Variants in WDPCP observed in about 807,000 individuals in gnomAD.
WDPCP encodes WD repeat containing planar cell polarity effector.
WDPCP carries 71 observed loss-of-function variants against 93.1 expected under a neutral mutation model. The ratio of observed to expected loss-of-function variants is 0.76; its 90% confidence interval spans 0.63 to 0.93. The LOEUF (loss-of-function observed/expected upper bound fraction) is 0.93, where lower values mean the gene tolerates loss of function less well. WDPCP is among the 40% of genes least tolerant of loss of function. The probability of loss-of-function intolerance (pLI) is 0.00; values close to 1 mark genes in which losing one functional copy is unlikely to be tolerated. For synonymous variants in WDPCP, 315 were observed against 315.0 expected (o/e 1.00, Z 0.00); for missense variants, 844 against 887.4 (o/e 0.95, Z 0.62).
chr2:63,142,124 T>C (rs1671104575), intron 17 of WDPCP, among the ~76,000 whole-genome samples: 1 of 152,208 alleles, frequency 6.6e-6, no homozygotes, highest in Admixed American at 6.5e-5. Context: ...TTTGTTTGTT[T>C]CAATTTCATT....
Position 63,762,380 on chromosome 2 carries a change from C to T in WDPCP, n.308+51242G>A, listed in dbSNP as rs968169120. 2.0e-5 allele frequency among the ~76,000 whole-genome samples: 3 copies of T among 152,082 alleles called. No homozygotes were observed. The South Asian group carries it at 6.2e-4, about 32-fold the overall frequency. The stretch of plus-strand genomic sequence containing the variant: ...TCTAACACGAAATAACATTTGTACA[C>T]TGAGGAGGGTAAGAAAAAATGCACT... On this transcript the variant is annotated intron_variant and non_coding_transcript_variant, in intron 2 of 4. Transcript: ENST00000467687.
At chr2:63,778,708 G>C (rs1363735850) in intron 2 of WDPCP, among the ~76,000 whole-genome samples, 1 of 152,100 alleles carries the variant, frequency 6.6e-6, no homozygotes, top group Non-Finnish European at 1.5e-5. Context: ...CCACTGGCCA[G>C]AGCAGCACTG....
chr2:63,237,946 C>T (rs1261589334), intron 14 of WDPCP, among the ~76,000 whole-genome samples: 1 of 148,504 alleles, frequency 6.7e-6, no homozygotes, highest in Non-Finnish European at 1.5e-5. Context: ...ACCCTTGTAA[C>T]AAACCTGTAC....
In WDPCP at chr2:63,348,022, G is replaced by GTCTT. The variant is rs554527520; in HGVS notation, c.1748+30360_1748+30363dup. 1.4e-4 allele frequency among the ~76,000 whole-genome samples: 21 copies of GTCTT among 152,212 alleles called. No individual in the cohort carries two copies. In the East Asian group the frequency reaches 3.3e-3, roughly 24 times the overall value. On this transcript the variant is annotated intron_variant, in intron 12 of 17. Coordinates refer to ENST00000272321, the MANE Select transcript of WDPCP (RefSeq NM_015910.7). ...AAGTTTAGAAAAACTAATGACATTA[G>GTCTT]TCTTTCTCACCTTAAGAAACTCAGT...
At chr2:63,769,450 T>C (rs1214451075) in intron 2 of WDPCP, among the ~76,000 whole-genome samples, 2 of 151,928 alleles carry the variant, frequency 1.3e-5, no homozygotes, top group African/African-American at 4.8e-5. Flanking sequence ...ATTTGACAGA[T>C]TTAGAAATAT....
intron 9 of WDPCP, among the ~76,000 whole-genome samples, chr2:63,416,142 A>G (rs944337001): frequency 1.2e-4 from 19 of 152,218 alleles, no homozygotes; most frequent in Admixed American, 1.0e-3. Context: ...CTGTTTATAT[A>G]GAAGATAAAA....
chr2:63,515,302 C>T (rs1161963361), intron 1 of WDPCP, among the ~76,000 whole-genome samples: 2 of 152,258 alleles, frequency 1.3e-5, no homozygotes, highest in East Asian at 3.9e-4. Flanking sequence ...CCAATTTAGA[C>T]TTACGTAAAG....
At chr2:63,142,884 A>G (rs1207119995) in intron 17 of WDPCP, among the ~76,000 whole-genome samples, 1 of 151,146 alleles carries the variant, frequency 6.6e-6, no homozygotes, top group Admixed American at 6.6e-5. Flanking sequence ...ATATATACAC[A>G]TACATATATA....
chr2:63,173,363 G>A (rs1447459491), intron 15 of WDPCP, among the ~76,000 whole-genome samples: 1 of 151,886 alleles, frequency 6.6e-6, no homozygotes, highest in African/African-American at 2.4e-5. Context: ...TTTTTGGCTA[G>A]TTTGCCATTC....
Position 63,331,422 on chromosome 2 carries a change from T to G in WDPCP, c.1749-18111A>C, listed in dbSNP as rs564567296. 2.0e-5 allele frequency among the ~76,000 whole-genome samples: 3 copies of G among 152,242 alleles called. No individual in the cohort carries two copies. In the East Asian group the frequency reaches 5.8e-4, roughly 29 times the overall value. On this transcript the variant is annotated intron_variant, in intron 12 of 17. Coordinates refer to ENST00000272321, the MANE Select transcript of WDPCP (RefSeq NM_015910.7). Reference sequence around the variant, plus strand: ...AAGCTATTTCATGGAACAGTCTGACTGTTTGGGTTAATTTTCCAGGTACAT... The same window carrying G: ...AAGCTATTTCATGGAACAGTCTGACGGTTTGGGTTAATTTTCCAGGTACAT...
In WDPCP at chr2:63,536,772, GC is replaced by G. The variant is rs1558773860; in HGVS notation, c.76-43833del. Among the ~76,000 whole-genome samples, 10 of 35,456 alleles carry G rather than the reference GC, an allele frequency of 2.8e-4. No individual in the cohort carries two copies. The South Asian group carries it at 5.7e-3, about 20-fold the overall frequency. 23.3% of individuals were successfully genotyped at this position (35,456 alleles called of 152,430 possible). A position where few individuals can be genotyped will look rare whatever the true frequency, so the allele number is the denominator to read the frequency against. On this transcript the variant is annotated intron_variant, in intron 1 of 17. Coordinates refer to ENST00000272321, the MANE Select transcript of WDPCP (RefSeq NM_015910.7). ...ATGGTAAAAATCTCAGATTCTTCAT[GC>G]TTTTTTTTTTTTTTTTGATGGAATC...
intron 13 of WDPCP, among the ~76,000 whole-genome samples, chr2:63,269,298 T>C (rs1682427861): frequency 6.6e-6 from 1 of 152,218 alleles, no homozygotes; most frequent in Admixed American, 6.5e-5. Flanking sequence ...TTATAATTTA[T>C]CATTTGCCAA....
intron 6 of WDPCP, among the ~76,000 whole-genome samples, chr2:63,478,259 A>C (rs1204747064): frequency 6.6e-6 from 1 of 152,130 alleles, no homozygotes; most frequent in Non-Finnish European, 1.5e-5. Flanking sequence ...TCAATACTCC[A>C]CTGACAGCAC....
At chr2:63,735,567 C>T (rs1669626158) in intron 2 of WDPCP, among the ~76,000 whole-genome samples, 1 of 151,976 alleles carries the variant, frequency 6.6e-6, no homozygotes, top group East Asian at 1.9e-4. Flanking sequence ...GGTTTTTGAG[C>T]AGGGAAGTAA....
rs889391381 is a variant in WDPCP at position 63,804,300 on chromosome 2, G to T, written n.308+9322C>A. 7.9e-5 allele frequency among the ~76,000 whole-genome samples: 12 copies of T among 151,110 alleles called. No homozygotes were observed. In the East Asian group the frequency reaches 2.1e-3, roughly 27 times the overall value. On this transcript the variant is annotated intron_variant and non_coding_transcript_variant, in intron 2 of 4. Transcript: ENST00000467687. The stretch of plus-strand genomic sequence containing the variant: ...GAGTCTCGCTCTGTCGCCCAGGCTG[G>T]AGTGCAGTGGCACCATCTCGGCTTC...
intron 17 of WDPCP, among the ~76,000 whole-genome samples, chr2:63,150,417 T>A (rs1671811217): frequency 6.6e-6 from 1 of 152,184 alleles, no homozygotes; most frequent in Non-Finnish European, 1.5e-5. Flanking sequence ...CAGGGATTGC[T>A]GCTAAACATC....
At chr2:63,706,217 A>C (rs1669149876) in intron 2 of WDPCP, among the ~76,000 whole-genome samples, 1 of 152,152 alleles carries the variant, frequency 6.6e-6, no homozygotes, top group Non-Finnish European at 1.5e-5. Context: ...GGTTTCCTGA[A>C]TACAGCACAC....
intron 17 of WDPCP, among the ~76,000 whole-genome samples, chr2:63,138,947 C>T (rs181348579): frequency 4.6e-5 from 7 of 152,142 alleles, no homozygotes; most frequent in East Asian, 3.9e-4. Flanking sequence ...TGAGAACATA[C>T]GATGTTTGGT....
chr2:63,652,090 A>G (rs904550396), intron 2 of WDPCP, among the ~76,000 whole-genome samples: 4 of 152,240 alleles, frequency 2.6e-5, no homozygotes, highest in African/African-American at 4.8e-5. Flanking sequence ...TGTTCAGATA[A>G]TGCAATATTG....
Sources: gnomAD v4.1 joint callset for allele counts (sites outside exome capture counted in the v4.1 genomes callset) on GRCh38, gnomAD v4.1.1 for gene constraint, MANE v1.5 for transcripts, NCBI Gene and HGNC (gene_info 2026-07-23, HGNC 2026-07-21) for gene names.